Variants in PPP2R2B observed in about 807,000 individuals in gnomAD.
PPP2R2B encodes the protein protein phosphatase 2 regulatory subunit Bbeta.
A neutral mutation model predicts 46.0 loss-of-function variants in PPP2R2B; 5 were observed. The ratio of observed to expected loss-of-function variants is 0.11; its 90% CI spans 0.06 to 0.23. PPP2R2B has a LOEUF of 0.23. Among genes scored for constraint, PPP2R2B ranks in the 10% least tolerant of loss-of-function variants. The probability of loss-of-function intolerance (pLI) is 1.00; values close to 1 mark genes in which losing one functional copy is unlikely to be tolerated. For missense variants in PPP2R2B, 367 were observed against 575.0 expected, an observed-to-expected ratio of 0.64 and a Z score of 3.70; for synonymous variants, 215 against 206.7, an observed-to-expected ratio of 1.04 and a Z score of -0.34.
intron 1 of PPP2R2B, among the ~76,000 whole-genome samples, chr5:146,980,302 G>C (rs1237872352): frequency 6.6e-6 from 1 of 152,200 alleles, no homozygotes; most frequent in East Asian, 1.9e-4. Context: ...GAAGCAGCCA[G>C]AAGTTTTCTG....
At chr5:147,055,845 T>G in exon 1 of PPP2R2B, 3 of 1,495,836 alleles carry the variant, frequency 2.0e-6, no homozygotes, top group Non-Finnish European at 2.7e-6. Flanking sequence ...TATGTTTATG[T>G]AGGTTCTTTC....
intron 1 of PPP2R2B, among the ~76,000 whole-genome samples, chr5:146,896,363 T>C (rs1027930786): frequency 6.6e-6 from 1 of 152,170 alleles, no homozygotes; most frequent in African/African-American, 2.4e-5. Context: ...TGAACTATCT[T>C]AGAGAAAGTA....
At chr5:146,706,085 G>A (rs1304222926) in intron 2 of PPP2R2B, among the ~76,000 whole-genome samples, 2 of 152,186 alleles carry the variant, frequency 1.3e-5, no homozygotes, top group Non-Finnish European at 2.9e-5. Flanking sequence ...CGGGTGGGCT[G>A]AGGGCTAGGG....
At chr5:146,781,023 A>C (rs922824942) in intron 2 of PPP2R2B, among the ~76,000 whole-genome samples, 6 of 150,898 alleles carry the variant, frequency 4.0e-5, no homozygotes, top group African/African-American at 1.5e-4. Context: ...GATGATGATG[A>C]TATTAGTTAA....
At chr5:146,673,147 A>G (rs1777482256) in intron 5 of PPP2R2B, among the ~76,000 whole-genome samples, 1 of 152,242 alleles carries the variant, frequency 6.6e-6, no homozygotes, top group South Asian at 2.1e-4. Context: ...AGAATTATGC[A>G]AAGGCACAGT....
At chr5:146,715,155 T>G (rs1322495249) in intron 2 of PPP2R2B, among the ~76,000 whole-genome samples, 1 of 152,176 alleles carries the variant, frequency 6.6e-6, no homozygotes, top group Non-Finnish European at 1.5e-5. Flanking sequence ...TGTGCAAGAT[T>G]TACAGACACA....
At chr5:146,639,554 G>C (rs764659035) in intron 6 of PPP2R2B, among the ~76,000 whole-genome samples, 1 of 152,092 alleles carries the variant, frequency 6.6e-6, no homozygotes, top group South Asian at 2.1e-4. Flanking sequence ...CAGAGGGGCC[G>C]AGGTACTGTC....
intron 2 of PPP2R2B, among the ~76,000 whole-genome samples, chr5:147,072,375 G>A (rs2151911564): frequency 6.6e-6 from 1 of 152,306 alleles, no homozygotes; most frequent in East Asian, 1.9e-4. Context: ...ATTAGTGGTA[G>A]TATTGATGTT....
At chr5:146,732,166 A>C (rs1001787127) in intron 2 of PPP2R2B, among the ~76,000 whole-genome samples, 1 of 152,198 alleles carries the variant, frequency 6.6e-6, no homozygotes, top group East Asian at 1.9e-4. Context: ...TCTGCTTCTA[A>C]CTTACGGTGA....
intron 2 of PPP2R2B, among the ~76,000 whole-genome samples, chr5:146,830,949 A>G (rs1347149901): frequency 6.6e-6 from 1 of 152,110 alleles, no homozygotes; most frequent in Non-Finnish European, 1.5e-5. Context: ...AAATATTCCT[A>G]TTGCCTAGTG....
At chr5:146,644,809 A>G (rs1397470495) in intron 6 of PPP2R2B, among the ~76,000 whole-genome samples, 2 of 152,228 alleles carry the variant, frequency 1.3e-5, no homozygotes, top group Admixed American at 1.3e-4. Flanking sequence ...ACTGGAGTGA[A>G]TATTCCTTCT....
intron 1 of PPP2R2B, among the ~76,000 whole-genome samples, chr5:146,893,560 C>T (rs1317641759): frequency 6.6e-6 from 1 of 152,060 alleles, no homozygotes; most frequent in East Asian, 1.9e-4. Flanking sequence ...TGGCTCACAC[C>T]TGTAATCCCA....
At chr5:147,069,935 C>T (rs534525019) in intron 2 of PPP2R2B, among the ~76,000 whole-genome samples, 17 of 151,630 alleles carry the variant, frequency 1.1e-4, no homozygotes, top group South Asian at 2.1e-4. Context: ...GGATTACAGA[C>T]GCCTGCCACC....
upstream of PPP2R2B, among the ~76,000 whole-genome samples, chr5:146,881,542 A>G (rs1762168619): frequency 6.6e-6 from 1 of 152,090 alleles, no homozygotes; most frequent in African/African-American, 2.4e-5. Flanking sequence ...ACTCCTGAGT[A>G]GCTGGGACTA....
intron 1 of PPP2R2B, among the ~76,000 whole-genome samples, chr5:147,040,112 C>A (rs1465405394): frequency 6.6e-6 from 1 of 152,064 alleles, no homozygotes; most frequent in Admixed American, 6.5e-5. Context: ...TTCTTCCATG[C>A]CATAAAATCA....
intron 1 of PPP2R2B, among the ~76,000 whole-genome samples, chr5:146,903,899 T>C (rs1325662685): frequency 1.3e-5 from 2 of 152,016 alleles, no homozygotes; most frequent in African/African-American, 4.8e-5. Flanking sequence ...TAAGCCAGAG[T>C]TGGCACACAG....
At chr5:147,040,378 G>A (rs1756236313) in intron 1 of PPP2R2B, among the ~76,000 whole-genome samples, 1 of 152,036 alleles carries the variant, frequency 6.6e-6, no homozygotes, top group African/African-American at 2.4e-5. Flanking sequence ...CTGAATCAAA[G>A]TTTAAAACAA....
At chr5:146,995,187 A>C (rs886920003) in intron 1 of PPP2R2B, among the ~76,000 whole-genome samples, 3 of 152,208 alleles carry the variant, frequency 2.0e-5, no homozygotes, top group African/African-American at 7.2e-5. Flanking sequence ...ATTTTTCTGA[A>C]TCTTCCCAGT....
At chr5:146,856,250 G>A (rs1760657262) in intron 2 of PPP2R2B, among the ~76,000 whole-genome samples, 1 of 152,118 alleles carries the variant, frequency 6.6e-6, no homozygotes, top group South Asian at 2.1e-4. Context: ...TCATCCCCAT[G>A]TACATTTGGT....
Sources: allele counts gnomAD v4.1 joint callset (sites outside exome capture counted in the v4.1 genomes callset), GRCh38; gene constraint gnomAD v4.1.1; transcripts MANE v1.5; gene names NCBI Gene and HGNC (gene_info 2026-07-23, HGNC 2026-07-21).